The following CHD9 variants were observed in gnomAD, a reference collection of about 807,000 sequenced individuals.
The protein encoded by CHD9 is ATP-dependent chromatin remodeler CHD9.
CHD9 carries 77 observed loss-of-function variants against 316.1 expected under a neutral mutation model. The ratio of observed to expected loss-of-function variants is 0.24; its 90% CI spans 0.20 to 0.29. The LOEUF is 0.29. Among genes scored for constraint, CHD9 ranks in the 10% least tolerant of loss-of-function variants. The pLI, the probability that CHD9 is intolerant of heterozygous loss-of-function variation, is 1.00. For missense variants in CHD9, 2,763 were observed against 3,438.1 expected, an observed-to-expected ratio of 0.80 and a Z score of 4.91; for synonymous variants, 1,129 against 1,158.3, an observed-to-expected ratio of 0.97 and a Z score of 0.51.
At chr16:53,059,607 C>A (rs1007294709) in intron 1 of CHD9, among the ~76,000 whole-genome samples, 1 of 152,186 alleles carries the variant, frequency 6.6e-6, no homozygotes, top group African/African-American at 2.4e-5. Context: ...ATTCAAACTG[C>A]CCCCAAATAC....
At chr16:53,309,384 G>A (rs147766585) in intron 34 of CHD9, among the ~76,000 whole-genome samples, 331 of 152,196 alleles carry the variant, frequency 2.2e-3, no homozygotes, top group African/African-American at 7.6e-3. Context: ...GCCTCCTATA[G>A]GTTCTTCTCA....
chr16:53,314,563 A>G (rs897112628), intron 35 of CHD9, 47 bp downstream of exon 35: 26 of 1,412,838 alleles, frequency 1.8e-5, no homozygotes, highest in East Asian at 1.0e-4. Flanking sequence ...TCAAAATTCA[A>G]TCCTAATAAA....
chr16:53,158,138 G>A (rs2041651147), intron 2 of CHD9, among the ~76,000 whole-genome samples: 1 of 152,080 alleles, frequency 6.6e-6, no homozygotes, highest in Non-Finnish European at 1.5e-5. Context: ...GGTGAAATTG[G>A]TACCTACATG....
intron 1 of CHD9, among the ~76,000 whole-genome samples, chr16:53,067,303 A>T (rs2033617730): frequency 6.6e-6 from 1 of 152,202 alleles, no homozygotes; most frequent in Non-Finnish European, 1.5e-5. Flanking sequence ...TGATATTGAT[A>T]TTTGATATGG....
At chr16:53,150,409 G>C (rs2041004928) in intron 1 of CHD9, among the ~76,000 whole-genome samples, 1 of 151,972 alleles carries the variant, frequency 6.6e-6, no homozygotes, top group South Asian at 2.1e-4. Context: ...CCTTTATATT[G>C]TTATTATCAA....
chr16:53,288,054 T>C, intron 27 of CHD9, 40 bp downstream of exon 27: 1 of 1,437,650 alleles, frequency 7.0e-7, no homozygotes, highest in South Asian at 1.2e-5. Flanking sequence ...CAATTTTAGG[T>C]ATTCTTTGGT....
At chr16:53,270,888 A>T (rs944887926) in intron 22 of CHD9, among the ~76,000 whole-genome samples, 11 of 152,086 alleles carry the variant, frequency 7.2e-5, no homozygotes, top group East Asian at 3.9e-4. Flanking sequence ...AAAGCGGTTT[A>T]AAAAAAGGCC....
At chr16:53,124,686 G>C (rs1266983114) in intron 1 of CHD9, among the ~76,000 whole-genome samples, 1 of 151,916 alleles carries the variant, frequency 6.6e-6, no homozygotes, top group Non-Finnish European at 1.5e-5. Flanking sequence ...CACCATGTTG[G>C]CTAGGTTGGT....
In CHD9 at chr16:53,116,872, AC is replaced by A. The variant is rs2038350242; in HGVS notation, c.-164-39052del. ...GGATAAAAAAGTGTGGTACATTTAA[AC>A]CATGGAATGCTATGCAGCCATAAAA... On this transcript the variant is annotated intron_variant, in intron 1 of 38. Coordinates refer to ENST00000447540, the MANE Select transcript of CHD9 (RefSeq NM_001308319.2). 2.6e-5 allele frequency among the ~76,000 whole-genome samples: 4 copies of A among 152,196 alleles called. No homozygotes were observed. In the South Asian group the frequency reaches 8.3e-4, roughly 32 times the overall value.
chr16:53,301,386 C>G (rs916004028), intron 30 of CHD9, among the ~76,000 whole-genome samples: 3 of 152,134 alleles, frequency 2.0e-5, no homozygotes, highest in African/African-American at 7.2e-5. Context: ...TTTCACAGCA[C>G]TCAGGGCCAG....
chr16:53,191,771 A>G (rs1485848124), intron 2 of CHD9, among the ~76,000 whole-genome samples: 1 of 152,034 alleles, frequency 6.6e-6, no homozygotes, highest in African/African-American at 2.4e-5. Flanking sequence ...GTTTTCATTT[A>G]TTTTGGGTAA....
chr16:53,154,617 G>T (rs751375375), intron 1 of CHD9, among the ~76,000 whole-genome samples: 4 of 152,148 alleles, frequency 2.6e-5, no homozygotes, highest in Admixed American at 6.5e-5. Context: ...GCATTAATTA[G>T]ATTCTTATAA....
chr16:53,087,738 A>T (rs2035582503), intron 1 of CHD9, among the ~76,000 whole-genome samples: 1 of 152,116 alleles, frequency 6.6e-6, no homozygotes, highest in African/African-American at 2.4e-5. Flanking sequence ...ACTTGAGGTC[A>T]GGAGTTCGAG....
In CHD9 at chr16:53,156,548, T is replaced by C; in HGVS notation, c.459T>C (p.Asn153=). The C allele has an allele frequency of 1.9e-6, 3 of 1,613,964 alleles. No homozygotes were observed. Among genetic ancestry groups the C allele is most frequent in the Non-Finnish European group, 2.5e-6 (3 of 1,179,880 alleles). The stretch of plus-strand genomic sequence containing the variant: ...GACATTCACACTCTATGCATCAAAA[T>C]AAAAGCTTTGTGGCACACCATGACT... ...QQGHSHSMHQ[N]KSFVAHHDFA... Residue 153 remains asparagine (N), a synonymous_variant, in exon 2 of 39, where the codon AAT becomes AAC. Transcript: ENST00000447540.
chr16:53,083,732 C>T (rs2035226163), intron 1 of CHD9, among the ~76,000 whole-genome samples: 1 of 151,856 alleles, frequency 6.6e-6, no homozygotes, highest in South Asian at 2.1e-4. Flanking sequence ...AAAGCGCCCC[C>T]ACCCCCCGAC....
At chr16:53,088,286 T>G (rs1046629873) in intron 1 of CHD9, among the ~76,000 whole-genome samples, 1 of 147,914 alleles carries the variant, frequency 6.8e-6, no homozygotes, top group Non-Finnish European at 1.5e-5. Flanking sequence ...TTTGTTTTTT[T>G]TTTTTTTTTG....
intron 2 of CHD9, among the ~76,000 whole-genome samples, chr16:53,159,522 T>C (rs1597212418): frequency 6.6e-6 from 1 of 152,294 alleles, no homozygotes; most frequent in East Asian, 1.9e-4. Flanking sequence ...AAATTAAATA[T>C]TTAGGGATCC....
intron 1 of CHD9, among the ~76,000 whole-genome samples, chr16:53,144,994 CAAAA>C (rs60107956): frequency 5.0e-4 from 57 of 113,500 alleles, no homozygotes; most frequent in Non-Finnish European, 9.0e-4. Flanking sequence ...GACCCTGTCT[CAAAA>C]AAAAAAAAAA....
intron 3 of CHD9, among the ~76,000 whole-genome samples, chr16:53,220,758 A>G (rs16952091): frequency 0.12 from 18,269 of 151,936 alleles, 1,290 homozygotes; most frequent in South Asian, 0.23. Flanking sequence ...TGTGATCTTC[A>G]CCCATTCTGG....
Sources: gnomAD v4.1 joint callset for allele counts (sites outside exome capture counted in the v4.1 genomes callset) on GRCh38, gnomAD v4.1.1 for gene constraint, MANE v1.5 for transcripts, NCBI Gene and HGNC (gene_info 2026-07-23, HGNC 2026-07-21) for gene names.